Variants in POFUT3 observed in about 807,000 individuals in gnomAD.
POFUT3 encodes protein O-fucosyltransferase 3.
the POFUT3 span, among the ~76,000 whole-genome samples, chr8:33,408,955 T>C: frequency 6.6e-6 from 1 of 152,036 alleles, no homozygotes; most frequent in Non-Finnish European, 1.5e-5. Context: ...CTTTAAAGTG[T>C]TGGTTTTAAA....
At chr8:33,313,619 C>T in the POFUT3 span, among the ~76,000 whole-genome samples, 22 of 151,802 alleles carry the variant, frequency 1.4e-4, no homozygotes, top group African/African-American at 5.1e-4. Context: ...TCCAGATGGG[C>T]TCTGAGCAAC....
the POFUT3 span, among the ~76,000 whole-genome samples, chr8:33,384,578 G>A: frequency 6.6e-6 from 1 of 152,048 alleles, no homozygotes; most frequent in Non-Finnish European, 1.5e-5. Context: ...CCAGCACTAT[G>A]GGAGGCCGAG....
chr8:33,467,647 G>A, the POFUT3 span, among the ~76,000 whole-genome samples: 6 of 152,292 alleles, frequency 3.9e-5, no homozygotes, highest in South Asian at 1.2e-3. Context: ...AGTGGGGTTT[G>A]GAGCTGAGTA....
chr8:33,348,974 G>T, the POFUT3 span, among the ~76,000 whole-genome samples: 2 of 152,226 alleles, frequency 1.3e-5, no homozygotes, highest in African/African-American at 2.4e-5. Context: ...AGCATATAAA[G>T]GTTACACCAC....
the POFUT3 span, among the ~76,000 whole-genome samples, chr8:33,377,173 A>G: frequency 6.6e-6 from 1 of 152,048 alleles, no homozygotes; most frequent in African/African-American, 2.4e-5. Flanking sequence ...CGGAGGTTGC[A>G]GTAAGCTGAG....
chr8:33,404,203 T>C, the POFUT3 span, among the ~76,000 whole-genome samples: 1 of 152,052 alleles, frequency 6.6e-6, no homozygotes, highest in Non-Finnish European at 1.5e-5. Flanking sequence ...TCAGGTGTGG[T>C]GGTGCATGCC....
At chr8:33,383,977 A>G in the POFUT3 span, among the ~76,000 whole-genome samples, 1 of 151,970 alleles carries the variant, frequency 6.6e-6, no homozygotes, top group Non-Finnish European at 1.5e-5. Context: ...ATCATGGTAG[A>G]TGGTAGGGGA....
At chr8:33,461,047 C>T in the POFUT3 span, among the ~76,000 whole-genome samples, 5 of 151,728 alleles carry the variant, frequency 3.3e-5, no homozygotes, top group African/African-American at 1.2e-4. Context: ...CCCAACTACT[C>T]GGGAGGTTGA....
chr8:33,319,449 A>G, the POFUT3 span, among the ~76,000 whole-genome samples: 2 of 53,674 alleles, frequency 3.7e-5, no homozygotes, highest in African/African-American at 1.9e-4. Context: ...ATATATTTAT[A>G]TAATATATAA....
At chr8:33,335,562 C>A in the POFUT3 span, among the ~76,000 whole-genome samples, 1 of 152,100 alleles carries the variant, frequency 6.6e-6, no homozygotes, top group Non-Finnish European at 1.5e-5. Context: ...ATAATACAAT[C>A]GACTTTTGAC....
chr8:33,464,705 A>G, the POFUT3 span, among the ~76,000 whole-genome samples: 1 of 152,178 alleles, frequency 6.6e-6, no homozygotes, highest in Non-Finnish European at 1.5e-5. Flanking sequence ...GCTTCAGCCC[A>G]GGAGATTGAG....
chr8:33,336,699 G>T, the POFUT3 span, among the ~76,000 whole-genome samples: 1 of 152,196 alleles, frequency 6.6e-6, no homozygotes, highest in South Asian at 2.1e-4. Flanking sequence ...AATGGCAGAT[G>T]AAGTCATGGA....
chr8:33,457,323 C>A, the POFUT3 span, among the ~76,000 whole-genome samples: 2 of 152,048 alleles, frequency 1.3e-5, no homozygotes, highest in African/African-American at 4.8e-5. Flanking sequence ...GTGGCATGCC[C>A]TGTCTCTCCT....
the POFUT3 span, among the ~76,000 whole-genome samples, chr8:33,319,413 A>G: frequency 8.7e-5 from 6 of 68,850 alleles, 1 homozygote; most frequent in African/African-American, 4.4e-4. Flanking sequence ...TATATATTAT[A>G]TAAATATATT....
chr8:33,428,565 A>G, the POFUT3 span, among the ~76,000 whole-genome samples: 6 of 152,268 alleles, frequency 3.9e-5, no homozygotes, highest in South Asian at 4.2e-4. Flanking sequence ...CCCCCAAAAA[A>G]CCATCTTGAT....
chr8:33,457,390 G>T, the POFUT3 span, among the ~76,000 whole-genome samples: 1 of 152,236 alleles, frequency 6.6e-6, no homozygotes, highest in East Asian at 1.9e-4. Context: ...CAGCTACTTG[G>T]GAGGATGAGG....
chr8:33,408,762 C>T, the POFUT3 span, among the ~76,000 whole-genome samples: 45,939 of 151,780 alleles, frequency 0.3, 7,056 homozygotes, highest in South Asian at 0.44. Context: ...CCTGCAGTGA[C>T]AGAAATCAGG....
At chr8:33,355,850 T>C in the POFUT3 span, among the ~76,000 whole-genome samples, 1 of 151,866 alleles carries the variant, frequency 6.6e-6, no homozygotes, top group African/African-American at 2.4e-5. Flanking sequence ...GTCCCCAGAG[T>C]GTGATGTTCC....
At chr8:33,319,434 T>TTTATATATA in the POFUT3 span, among the ~76,000 whole-genome samples, 2 of 60,022 alleles carry the variant, frequency 3.3e-5, no homozygotes, top group African/African-American at 1.7e-4. Context: ...ATATATATAT[T>TTTATATATA]TTTTATATAT....
Sources: gnomAD v4.1 joint callset for allele counts (sites outside exome capture counted in the v4.1 genomes callset) on GRCh38, gnomAD v4.1.1 for gene constraint, MANE v1.5 for transcripts, NCBI Gene and HGNC (gene_info 2026-07-23, HGNC 2026-07-21) for gene names.